The following CHRM2 variants were observed in gnomAD, a reference collection of about 807,000 sequenced individuals.
CHRM2 encodes the protein cholinergic receptor muscarinic 2.
A neutral mutation model predicts 25.0 loss-of-function variants in CHRM2; 8 were observed. The ratio of observed to expected loss-of-function variants is 0.32; its 90% confidence interval spans 0.19 to 0.58. The LOEUF is 0.58. CHRM2 is among the 20% of genes least tolerant of loss of function. The pLI, the probability that CHRM2 is intolerant of heterozygous loss-of-function variation, is 0.88. For synonymous variants in CHRM2, 202 were observed against 205.7 expected, an observed-to-expected ratio of 0.98 and a Z score of 0.15; for missense variants, 440 against 567.1, an observed-to-expected ratio of 0.78 and a Z score of 2.28.
At chr7:136,952,999 CCA>C (rs1248629951) in intron 2 of CHRM2, among the ~76,000 whole-genome samples, 1 of 152,024 alleles carries the variant, frequency 6.6e-6, no homozygotes, top group African/African-American at 2.4e-5. Context: ...TAGGTTGATT[CCA>C]TGTCTTTACT....
At chr7:136,949,316 G>A (rs984467510) in intron 2 of CHRM2, among the ~76,000 whole-genome samples, 9 of 151,980 alleles carry the variant, frequency 5.9e-5, no homozygotes, top group Admixed American at 6.6e-5. Flanking sequence ...ATGTCAGCAA[G>A]TGCTTAATAT....
chr7:136,898,206 G>A lies in CHRM2; in HGVS notation c.-125+28788G>A, dbSNP rs184432656. On this transcript the variant is annotated intron_variant, in intron 2 of 3. Coordinates refer to ENST00000680005, the MANE Select transcript of CHRM2 (RefSeq NM_001006630.2). ...CTCATAGTCCATATACATGGTTTTT[G>A]AAATGCTTATCTGATAAGCTCATGT... Among the ~76,000 whole-genome samples, 11 of 152,182 alleles carry A rather than the reference G, an allele frequency of 7.2e-5. No homozygotes were observed. In the East Asian group the frequency reaches 2.1e-3, roughly 29 times the overall value.
chr7:136,996,621 T>A (rs1420030893), intron 3 of CHRM2, among the ~76,000 whole-genome samples: 1 of 152,152 alleles, frequency 6.6e-6, no homozygotes, highest in East Asian at 1.9e-4. Flanking sequence ...TACAAGGAAG[T>A]TTGCTACACT....
At chr7:136,919,351 C>T (rs17168799) in intron 2 of CHRM2, among the ~76,000 whole-genome samples, 22,250 of 152,024 alleles carry the variant, frequency 0.15, 2,334 homozygotes, top group African/African-American at 0.29. Flanking sequence ...TATTATCATA[C>T]ATTCTAAAGC....
At position 137,018,007 on chromosome 7, in the gene CHRM2, A is replaced by C. The variant is rs1248756914; in HGVS notation, c.*1741A>C. On this transcript the variant is annotated 3_prime_UTR_variant, in exon 4 of 4. Coordinates refer to ENST00000680005, the MANE Select transcript of CHRM2 (RefSeq NM_001006630.2). ...AAAAATGGCTCAATCAATGGAAATC[A>C]AATTATAAACGCATTTGCAAATTTC... 2 of 151,966 alleles carry C rather than the reference A, an allele frequency of 1.3e-5. No individual in the cohort carries two copies. Among genetic ancestry groups the C allele is most frequent in the Non-Finnish European group, 2.9e-5 (2 of 67,914 alleles). 9.4% of individuals were successfully genotyped at this position (151,966 alleles called of 1,614,324 possible). A position where few individuals can be genotyped will look rare whatever the true frequency, so the allele number is the denominator to read the frequency against.
chr7:136,906,587 T>C (rs1797565448), intron 2 of CHRM2, among the ~76,000 whole-genome samples: 1 of 151,868 alleles, frequency 6.6e-6, no homozygotes, highest in Non-Finnish European at 1.5e-5. Flanking sequence ...TATAGCAGGA[T>C]ATATTTGTAA....
At chr7:136,907,932 T>C (rs1212972567) in intron 2 of CHRM2, 1 of 151,900 alleles carries the variant, frequency 6.6e-6, no homozygotes, top group African/African-American at 2.4e-5. Context: ...CTTTCCAAAG[T>C]GATGCTTCTC....
chr7:136,942,161 G>C (rs1300818866), intron 2 of CHRM2, among the ~76,000 whole-genome samples: 1 of 152,108 alleles, frequency 6.6e-6, no homozygotes, highest in Non-Finnish European at 1.5e-5. Context: ...AACAGAGTAG[G>C]ATAAAGACAT....
intron 2 of CHRM2, among the ~76,000 whole-genome samples, chr7:136,985,552 A>T (rs1802803555): frequency 6.6e-6 from 1 of 151,794 alleles, no homozygotes; most frequent in African/African-American, 2.4e-5. Context: ...AATATCTGAA[A>T]TATCCTGAGT....
At position 136,938,670 on chromosome 7, in the gene CHRM2, T is replaced by C. The variant is rs556881616; in HGVS notation, c.-124-53517T>C. The C allele has an allele frequency of 2.5e-5, 20 of 798,340 alleles. No individual in the cohort carries two copies. In the East Asian group the frequency reaches 4.9e-4, roughly 19 times the overall value. The allele number at this position is 798,340 out of a possible 1,614,324, so 49.5% of individuals were successfully genotyped here. On this transcript the variant is annotated intron_variant, in intron 2 of 3. Transcript: ENST00000680005. ...CAGGGCCCACTCGTGCAGGAGCGGC[T>C]GCTGAAGGCCCAGGGGCCAGAGGTG...
intron 3 of CHRM2, among the ~76,000 whole-genome samples, chr7:137,006,004 C>G (rs1419387709): frequency 1.3e-5 from 2 of 152,102 alleles, no homozygotes; most frequent in Admixed American, 1.3e-4. Flanking sequence ...TCCTTTCACT[C>G]TTCTTCCTTG....
At position 137,018,003 on chromosome 7, in the gene CHRM2, A is replaced by G. The variant is rs2131141768; in HGVS notation, c.*1737A>G. The stretch of plus-strand genomic sequence containing the variant: ...TTCTAAAAATGGCTCAATCAATGGA[A>G]ATCAAATTATAAACGCATTTGCAAA... On this transcript the variant is annotated 3_prime_UTR_variant, in exon 4 of 4. Transcript: ENST00000680005. The G allele has an allele frequency of 6.6e-6, 1 of 152,068 alleles. No homozygotes were observed. The highest frequency in any genetic ancestry group is 1.9e-4 in the East Asian group (1 of 5,140). The allele number at this position is 152,068 out of a possible 1,614,324, so 9.4% of individuals were successfully genotyped here. A position where few individuals can be genotyped will look rare whatever the true frequency, so the allele number is the denominator to read the frequency against.
At chr7:136,925,821 T>C (rs1332140424) in intron 2 of CHRM2, among the ~76,000 whole-genome samples, 1 of 152,240 alleles carries the variant, frequency 6.6e-6, no homozygotes, top group African/African-American at 2.4e-5. Context: ...TGGCATTGAC[T>C]TCAAGCTTTT....
At chr7:136,905,393 A>G (rs944079872) in intron 2 of CHRM2, among the ~76,000 whole-genome samples, 9 of 151,914 alleles carry the variant, frequency 5.9e-5, no homozygotes, top group African/African-American at 2.2e-4. Context: ...TTTAAAATAA[A>G]TCTACCTGAT....
intron 2 of CHRM2, among the ~76,000 whole-genome samples, chr7:136,943,735 C>G (rs1473063065): frequency 4.5e-5 from 2 of 44,192 alleles, no homozygotes; most frequent in African/African-American, 2.5e-4. Context: ...ATGATTATCT[C>G]AGAAATTCAA....
At chr7:136,981,721 G>A (rs573611434) in intron 2 of CHRM2, among the ~76,000 whole-genome samples, 1 of 152,244 alleles carries the variant, frequency 6.6e-6, no homozygotes, top group African/African-American at 2.4e-5. Flanking sequence ...TAGTTTTTCA[G>A]GAGTAGGTTG....
chr7:136,892,618 T>C (rs897339153), intron 2 of CHRM2, among the ~76,000 whole-genome samples: 30 of 151,492 alleles, frequency 2.0e-4, no homozygotes, highest in African/African-American at 6.5e-4. Context: ...TTGAAAGATA[T>C]CTAAAAATGA....
chr7:136,878,783 G>A (rs1404719688), intron 2 of CHRM2, among the ~76,000 whole-genome samples: 1 of 151,902 alleles, frequency 6.6e-6, no homozygotes, highest in Admixed American at 6.6e-5. Flanking sequence ...CTAAGAGTGA[G>A]TATGTGGCTC....
At chr7:136,959,365 C>T (rs324574) in intron 2 of CHRM2, among the ~76,000 whole-genome samples, 112 of 152,226 alleles carry the variant, frequency 7.4e-4, no homozygotes, top group African/African-American at 2.3e-3. Flanking sequence ...ACAAGAAATG[C>T]GTTTATTGAG....
Sources: allele counts gnomAD v4.1 joint callset (sites outside exome capture counted in the v4.1 genomes callset), GRCh38; gene constraint gnomAD v4.1.1; transcripts MANE v1.5; gene names NCBI Gene and HGNC (gene_info 2026-07-23, HGNC 2026-07-21).